ESYT2: variants seen among roughly 807,000 people sequenced by gnomAD.
ESYT2 encodes extended synaptotagmin-2.
A neutral mutation model predicts 107.2 loss-of-function variants in ESYT2; 54 were observed. The observed-to-expected ratio is 0.50, with a 90% CI of 0.40 to 0.63. The LOEUF (loss-of-function observed/expected upper bound fraction) is 0.63. ESYT2 is among the 30% of genes least tolerant of loss of function. The pLI is 0.00. For synonymous variants in ESYT2, 491 were observed against 434.1 expected (o/e 1.13, Z -1.63); for missense variants, 1,020 against 1,094.5 (o/e 0.93, Z 0.96).
In ESYT2 at chr7:158,767,738, T is replaced by C. The variant is rs1217424854; in HGVS notation, c.840A>G (p.Ser280=). The change falls in exon 8 of 23, where the codon TCA becomes TCG. Residue 280 remains serine (S), a synonymous_variant. Transcript: ENST00000275418. ...TTCGATTGGGAAGCACCAGATAGTT[T>C]GATATTATATCCAAAATGATAGTAT... ...LSDTIILDII[S]NYLVLPNRIT... The C allele has an allele frequency of 9.9e-6, 16 of 1,612,934 alleles. No homozygotes were observed. In the Admixed American group the frequency reaches 2.5e-4, roughly 25 times the overall value.
chr7:158,773,383 T>G lies in ESYT2; in HGVS notation c.761A>C (p.Asn254Thr). ...CAGAAGATTCGTCAGTCCTGTCCAG[T>G]TAATTTCTAAAAGCTGTTTTAAAAC... ...FFLRKPLLEI[N>T]WTGLTNLLDV... The change falls in exon 7 of 23, where the codon AAC becomes ACC. Residue 254 changes from asparagine to threonine, a missense_variant. Physicochemically the swap from Asn to Thr is moderately conservative, Grantham distance 65. Transcript: ENST00000275418. 1 of 1,614,022 alleles carries G rather than the reference T, an allele frequency of 6.2e-7. No individual in the cohort carries two copies. The highest frequency in any genetic ancestry group is 8.5e-7 in the Non-Finnish European group (1 of 1,179,988).
intron 8 of ESYT2, among the ~76,000 whole-genome samples, chr7:158,765,657 A>C (rs951131463): frequency 2.0e-5 from 3 of 152,008 alleles, no homozygotes; most frequent in African/African-American, 7.3e-5. Context: ...AATCCCTTGA[A>C]CCCAGGAGGC....
At chr7:158,777,009 C>T (rs1212963502) in intron 6 of ESYT2, among the ~76,000 whole-genome samples, 5 of 151,904 alleles carry the variant, frequency 3.3e-5, no homozygotes, top group Admixed American at 6.6e-5. Context: ...TACACTACTA[C>T]GCCCAGCTAA....
chr7:158,788,709 T>C (rs1341542000), intron 4 of ESYT2, among the ~76,000 whole-genome samples: 1 of 152,234 alleles, frequency 6.6e-6, no homozygotes, highest in Non-Finnish European at 1.5e-5. Flanking sequence ...TAAATATAAA[T>C]GTCCATGTTC....
chr7:158,746,229 GACACACACAC>G (rs55828446), intron 16 of ESYT2, among the ~76,000 whole-genome samples: 3,260 of 148,002 alleles, frequency 0.022, 32 homozygotes, highest in Non-Finnish European at 0.027. Flanking sequence ...TACATAAATA[GACACACACAC>G]ACACACACAC....
chr7:158,820,430 C>A (rs1167420018), intron 1 of ESYT2, among the ~76,000 whole-genome samples: 1 of 152,150 alleles, frequency 6.6e-6, no homozygotes, highest in African/African-American at 2.4e-5. Flanking sequence ...TTAGCACATT[C>A]TACAATGTAT....
At chr7:158,781,816 TGA>T (rs201879105) in intron 6 of ESYT2, among the ~76,000 whole-genome samples, 2,035 of 150,128 alleles carry the variant, frequency 0.014, 67 homozygotes, top group African/African-American at 0.047. Flanking sequence ...GTGTGAGATG[TGA>T]GTGTAATAAC....
chr7:158,808,540 C>T (rs188507405), intron 1 of ESYT2, among the ~76,000 whole-genome samples: 188 of 152,336 alleles, frequency 1.2e-3, no homozygotes, highest in Non-Finnish European at 2.1e-3. Context: ...AAGTATCATA[C>T]GCTGAGGTTG....
chr7:158,748,134 G>A, intron 16 of ESYT2, 60 bp downstream of exon 16: 1 of 1,512,148 alleles, frequency 6.6e-7, no homozygotes, highest in Non-Finnish European at 9.2e-7. Flanking sequence ...TCAGCAAATT[G>A]TATACTTTAA....
intron 4 of ESYT2, among the ~76,000 whole-genome samples, chr7:158,791,687 T>G (rs942093635): frequency 1.3e-5 from 2 of 152,228 alleles, no homozygotes; most frequent in Admixed American, 1.3e-4. Flanking sequence ...GTCAGTATCT[T>G]TCCATGTGCT....
At chr7:158,808,419 T>C (rs1236010829) in intron 1 of ESYT2, among the ~76,000 whole-genome samples, 1 of 152,234 alleles carries the variant, frequency 6.6e-6, no homozygotes, top group Middle Eastern at 3.2e-3. Context: ...TCACCTTTAT[T>C]TTACTTAATG....
rs138623819 is a variant in ESYT2, at chr7:158,813,690, G to A, written c.331-14618C>T. ...GGAGGAAAATCATCCCAGACAAAACGTGTTAACAGTAAGAAGGAAACAAAG... is the reference window on the plus strand; with the variant it reads ...GGAGGAAAATCATCCCAGACAAAACATGTTAACAGTAAGAAGGAAACAAAG... On this transcript the variant is annotated intron_variant, in intron 1 of 22. Coordinates refer to ENST00000275418, the MANE Select transcript of ESYT2 (RefSeq NM_001367773.1). Among the ~76,000 whole-genome samples, 6 of 152,334 alleles carry A rather than the reference G, an allele frequency of 3.9e-5. No homozygotes were observed. In the East Asian group the frequency reaches 1.2e-3, roughly 29 times the overall value.
chr7:158,801,114 C>A (rs1430124733), intron 1 of ESYT2, among the ~76,000 whole-genome samples: 1 of 151,574 alleles, frequency 6.6e-6, no homozygotes, highest in African/African-American at 2.4e-5. Flanking sequence ...GGCGGCGGCA[C>A]CCAAGCCTGC....
chr7:158,737,593 G>A (rs542141758), intron 19 of ESYT2, among the ~76,000 whole-genome samples: 91 of 152,306 alleles, frequency 6.0e-4, no homozygotes, highest in Admixed American at 2.5e-3. Flanking sequence ...CAGGTGCCCA[G>A]CTGCACAGGC....
chr7:158,829,206 G>A lies in ESYT2; in HGVS notation c.213C>T (p.Ala71=), dbSNP rs767951736. 2 of 1,531,860 alleles carry A rather than the reference G, an allele frequency of 1.3e-6. No individual in the cohort carries two copies. Among genetic ancestry groups the A allele is most frequent in the Non-Finnish European group, 1.7e-6 (2 of 1,146,892 alleles). 94.9% of individuals were successfully genotyped at this position (1,531,860 alleles called of 1,614,324 possible). Residue 71 remains alanine, a synonymous_variant, in exon 1 of 23, where the codon GCC becomes GCT. Transcript: ENST00000275418. Reference sequence around the variant, plus strand: ...TGAGGCCGCGGCTGCGGCGACACCAGGCGAGCAGCGCGAGCGCGAGGAGAA... The same window carrying A: ...TGAGGCCGCGGCTGCGGCGACACCAAGCGAGCAGCGCGAGCGCGAGGAGAA... ...SWVLLALALL[A]WCRRSRGLKA...
chr7:158,821,567 G>A (rs953671419), intron 1 of ESYT2, among the ~76,000 whole-genome samples: 4 of 152,182 alleles, frequency 2.6e-5, no homozygotes, highest in South Asian at 2.1e-4. Flanking sequence ...TCCCAGCCAC[G>A]TCCCTGCATC....
At chr7:158,765,045 CAA>C (rs1427237559) in intron 8 of ESYT2, among the ~76,000 whole-genome samples, 192 bp from the exon 9 acceptor site, 1 of 152,160 alleles carries the variant, frequency 6.6e-6, no homozygotes, top group African/African-American at 2.4e-5. Context: ...CTGAGACAAA[CAA>C]GAGCAGGGCA....
chr7:158,747,246 C>G (rs1448099601), intron 16 of ESYT2, among the ~76,000 whole-genome samples: 2 of 151,790 alleles, frequency 1.3e-5, no homozygotes, highest in Non-Finnish European at 1.5e-5. Context: ...TCTCAGGAGG[C>G]TGAGGCAAGA....
At position 158,767,023 on chromosome 7, in the gene ESYT2, T is replaced by C. The variant is rs111351813; in HGVS notation, c.924+631A>G. 4.7e-3 allele frequency among the ~76,000 whole-genome samples: 719 copies of C among 152,360 alleles called. 2 individuals carry two copies. The highest frequency in any genetic ancestry group is 0.016 in the African/African-American group (680 of 41,588). ...ACATCAGTATCTGCAACCAGCTCTG[T>C]GTGCTGGGTGCTGTCCCATTTTACA... is the stretch of plus-strand genomic sequence containing the variant. On this transcript the variant is annotated intron_variant, in intron 8 of 22. Coordinates refer to ENST00000275418, the MANE Select transcript of ESYT2 (RefSeq NM_001367773.1).
Sources: allele counts gnomAD v4.1 joint callset (sites outside exome capture counted in the v4.1 genomes callset), GRCh38; gene constraint gnomAD v4.1.1; transcripts MANE v1.5; gene names NCBI Gene and HGNC (gene_info 2026-07-23, HGNC 2026-07-21).